Variants in CACNB4 observed in about 807,000 individuals in gnomAD.
CACNB4 encodes calcium voltage-gated channel auxiliary subunit beta 4.
A neutral mutation model predicts 71.2 loss-of-function variants in CACNB4; 32 were observed. That is an observed-to-expected ratio of 0.45 (90% CI 0.34 to 0.60). The LOEUF (loss-of-function observed/expected upper bound fraction) is 0.60. Among genes scored for constraint, CACNB4 ranks in the 20% least tolerant of loss-of-function variants. The probability of loss-of-function intolerance (pLI) is 0.01; values close to 1 mark genes in which losing one functional copy is unlikely to be tolerated. For missense variants in CACNB4, 464 were observed against 647.9 expected (o/e 0.72, Z 3.08); for synonymous variants, 231 against 236.9 (o/e 0.97, Z 0.23).
chr2:152,017,853 T>A (rs559568245), intron 2 of CACNB4, among the ~76,000 whole-genome samples: 4 of 152,124 alleles, frequency 2.6e-5, no homozygotes, highest in Non-Finnish European at 4.4e-5. Flanking sequence ...CTTTTTTTTT[T>A]ATGGAATTTC....
At chr2:151,985,146 CAAG>C (rs1681273279) in intron 2 of CACNB4, among the ~76,000 whole-genome samples, 1 of 152,102 alleles carries the variant, frequency 6.6e-6, no homozygotes. Flanking sequence ...AGTAAGAAGA[CAAG>C]AATTAAAATT....
chr2:152,034,624 G>A (rs1684461782), intron 2 of CACNB4, among the ~76,000 whole-genome samples: 1 of 152,198 alleles, frequency 6.6e-6, no homozygotes, highest in Admixed American at 6.5e-5. Context: ...ATGAATTAGA[G>A]AATGTGGGTT....
At chr2:151,976,056 C>T (rs915852594) in intron 2 of CACNB4, among the ~76,000 whole-genome samples, 2 of 152,184 alleles carry the variant, frequency 1.3e-5, no homozygotes, top group Non-Finnish European at 1.5e-5. Context: ...AGAGCAGGGG[C>T]GCACTTTACG....
At chr2:152,086,299 T>G (rs1453513250) in intron 2 of CACNB4, among the ~76,000 whole-genome samples, 1 of 151,970 alleles carries the variant, frequency 6.6e-6, no homozygotes, top group Non-Finnish European at 1.5e-5. Context: ...CCTATCAGAG[T>G]CCTCAACAAA....
chr2:152,061,628 C>A (rs1341148774), intron 2 of CACNB4, among the ~76,000 whole-genome samples: 5 of 144,074 alleles, frequency 3.5e-5, no homozygotes, highest in Non-Finnish European at 7.4e-5. Context: ...ACTGTGATTT[C>A]TGCTTCTCAA....
chr2:151,993,701 A>C (rs1434597104), intron 2 of CACNB4, among the ~76,000 whole-genome samples: 1 of 151,550 alleles, frequency 6.6e-6, no homozygotes, highest in Non-Finnish European at 1.5e-5. Flanking sequence ...AGTAGCTGGG[A>C]GTACAGGTGT....
intron 2 of CACNB4, among the ~76,000 whole-genome samples, chr2:151,976,811 C>T (rs960678192): frequency 2.6e-5 from 4 of 152,180 alleles, no homozygotes; most frequent in South Asian, 2.1e-4. Flanking sequence ...AGTAGTGAGA[C>T]GTCCCTGGGA....
chr2:152,062,013 A>AAATAATAATAAT (rs10664776), intron 2 of CACNB4, among the ~76,000 whole-genome samples: 20,654 of 140,988 alleles, frequency 0.15, 1,781 homozygotes, highest in East Asian at 0.41. Flanking sequence ...TTCCATCTCA[A>AAATAATAATAAT]AATAATAATA....
intron 2 of CACNB4, among the ~76,000 whole-genome samples, chr2:152,097,348 A>C (rs1688327137): frequency 6.6e-6 from 1 of 152,186 alleles, no homozygotes. Context: ...TGAGTGACCT[A>C]GAGGGAAAAG....
At chr2:152,028,523 A>G (rs1684098711) in intron 2 of CACNB4, among the ~76,000 whole-genome samples, 1 of 152,264 alleles carries the variant, frequency 6.6e-6, no homozygotes, top group African/African-American at 2.4e-5. Flanking sequence ...AGATAATGAT[A>G]TAATCATGTA....
chr2:151,866,295 A>C (rs2099843087), intron 9 of CACNB4: 1 of 152,244 alleles, frequency 6.6e-6, no homozygotes, highest in Non-Finnish European at 1.5e-5. Flanking sequence ...AGCAGATTAA[A>C]GAAGAAAGCC....
At chr2:152,091,124 C>G (rs891096265) in intron 2 of CACNB4, among the ~76,000 whole-genome samples, 1 of 151,946 alleles carries the variant, frequency 6.6e-6, no homozygotes, top group Non-Finnish European at 1.5e-5. Flanking sequence ...GACTGGTTAA[C>G]GGGTTAGCTA....
chr2:152,075,609 C>A lies in CACNB4; in HGVS notation c.147+22721G>T, dbSNP rs556146162. On this transcript the variant is annotated intron_variant, in intron 2 of 13. Coordinates refer to ENST00000539935, the MANE Select transcript of CACNB4 (RefSeq NM_000726.5). ...GTTGCTGGCTCTGCTGACTTTCCCACGTTTGACTTGGCCTGAGAGCCTCAG... is the reference window on the plus strand; with the variant it reads ...GTTGCTGGCTCTGCTGACTTTCCCAAGTTTGACTTGGCCTGAGAGCCTCAG... Among the ~76,000 whole-genome samples the A allele has an allele frequency of 1.7e-3, 266 of 152,314 alleles. 1 individual carries two copies. Among genetic ancestry groups the A allele is most frequent in the Non-Finnish European group, 3.0e-3 (205 of 68,024 alleles).
At chr2:152,095,948 C>T (rs1418888770) in intron 2 of CACNB4, among the ~76,000 whole-genome samples, 1 of 152,192 alleles carries the variant, frequency 6.6e-6, no homozygotes, top group African/African-American at 2.4e-5. Flanking sequence ...CCACTGTGAC[C>T]AGCCCAAGGC....
chr2:152,034,425 G>C (rs1212611980), intron 2 of CACNB4, among the ~76,000 whole-genome samples: 1 of 152,096 alleles, frequency 6.6e-6, no homozygotes, highest in East Asian at 1.9e-4. Flanking sequence ...AAGGGACCAG[G>C]CCACACAGCA....
chr2:152,076,300 C>T (rs1466585262), intron 2 of CACNB4, among the ~76,000 whole-genome samples: 1 of 147,396 alleles, frequency 6.8e-6, no homozygotes, highest in Non-Finnish European at 1.5e-5. Flanking sequence ...TGACACCACA[C>T]CTGGCTAATT....
At chr2:151,959,902 CAT>C (rs966577582) in intron 2 of CACNB4, among the ~76,000 whole-genome samples, 4 of 152,126 alleles carry the variant, frequency 2.6e-5, no homozygotes, top group Non-Finnish European at 4.4e-5. Context: ...CACAGACACA[CAT>C]AGTTATTCAA....
At chr2:151,886,093 G>T (rs1355905320) in intron 2 of CACNB4, among the ~76,000 whole-genome samples, 1 of 152,134 alleles carries the variant, frequency 6.6e-6, no homozygotes, top group Non-Finnish European at 1.5e-5. Flanking sequence ...GATTACAGGT[G>T]TGAACCGCTG....
rs1227977704 is a variant in CACNB4, at chr2:152,098,466, A to G, written c.64-53T>C. 6.5e-7 allele frequency: 1 copy of G among 1,527,768 alleles called. No individual in the cohort carries two copies. The highest frequency in any genetic ancestry group is 9.1e-7 in the Non-Finnish European group (1 of 1,102,236). 94.6% of individuals were successfully genotyped at this position (1,527,768 alleles called of 1,614,324 possible). On this transcript the variant is annotated intron_variant, in intron 1 of 13. Transcript: ENST00000539935. This position sits in a 1 kb window ranked among gnomAD's most constrained non-coding sequence, Gnocchi z 5.3. ...GAAGCCGGTGAGGACCGCAGCGCAG[A>G]GCGGGGCGACCACCCCCGGCTGGAG...
Sources: allele counts gnomAD v4.1 joint callset (sites outside exome capture counted in the v4.1 genomes callset), GRCh38; gene constraint gnomAD v4.1.1; non-coding constraint Gnocchi (gnomAD v3.1); transcripts MANE v1.5; gene names NCBI Gene and HGNC (gene_info 2026-07-23, HGNC 2026-07-21).